SUMF1: variants seen among roughly 807,000 people sequenced by gnomAD.
SUMF1 encodes the protein sulfatase modifying factor 1.
Under a neutral mutation model 47.6 loss-of-function variants are expected in SUMF1, and 48 were observed. The ratio of observed to expected loss-of-function variants is 1.01; its 90% CI spans 0.80 to 1.28. The LOEUF (loss-of-function observed/expected upper bound fraction) is 1.28, where lower values mean the gene tolerates loss of function less well. SUMF1 is among the 50% of genes most tolerant of loss of function. The pLI, the probability that SUMF1 is intolerant of heterozygous loss-of-function variation, is 0.00. For missense variants in SUMF1, 571 were observed against 485.4 expected (o/e 1.18, Z -1.66); for synonymous variants, 230 against 192.1 (o/e 1.20, Z -1.63).
intron 8 of SUMF1, among the ~76,000 whole-genome samples, chr3:4,147,865 G>A (rs1018372637): frequency 7.2e-5 from 11 of 151,984 alleles, no homozygotes; most frequent in African/African-American, 2.2e-4. Flanking sequence ...TCTTAAGTTA[G>A]TCAGCTAGCC....
intron 8 of SUMF1, among the ~76,000 whole-genome samples, chr3:4,137,774 C>T (rs889447662): frequency 3.9e-5 from 6 of 152,112 alleles, no homozygotes; most frequent in Non-Finnish European, 8.8e-5. Flanking sequence ...ATTCCTACCA[C>T]TTTTATTTAC....
At chr3:4,365,407 G>C (rs1419634316) in intron 8 of SUMF1, among the ~76,000 whole-genome samples, 1 of 123,562 alleles carries the variant, frequency 8.1e-6, no homozygotes, top group Non-Finnish European at 1.9e-5. Flanking sequence ...CTTCTGTATT[G>C]GGTGCATATA....
intron 8 of SUMF1, among the ~76,000 whole-genome samples, chr3:4,288,887 G>C (rs927421835): frequency 6.6e-6 from 1 of 151,892 alleles, no homozygotes; most frequent in East Asian, 1.9e-4. Flanking sequence ...AGATGGTTTC[G>C]GAACTTCACA....
intron 8 of SUMF1, among the ~76,000 whole-genome samples, chr3:4,179,202 A>T (rs1266746843): frequency 6.6e-6 from 1 of 152,162 alleles, no homozygotes; most frequent in African/African-American, 2.4e-5. Context: ...GTTCATATGG[A>T]TCCAAAAAAG....
At chr3:4,070,731 G>C (rs542738658) in intron 8 of SUMF1, among the ~76,000 whole-genome samples, 1 of 151,988 alleles carries the variant, frequency 6.6e-6, no homozygotes, top group Non-Finnish European at 1.5e-5. Context: ...CACCTCCTGG[G>C]TTCAGGCCAT....
intron 7 of SUMF1, among the ~76,000 whole-genome samples, chr3:4,387,736 C>T (rs1166068759): frequency 6.6e-6 from 1 of 152,000 alleles, no homozygotes; most frequent in African/African-American, 2.4e-5. Context: ...CCTCTTAGCA[C>T]TGTTTTCACT....
chr3:4,431,892 T>TC (rs1338442578), intron 3 of SUMF1, among the ~76,000 whole-genome samples: 3 of 152,130 alleles, frequency 2.0e-5, no homozygotes, highest in Non-Finnish European at 4.4e-5. Flanking sequence ...AATTATGAAG[T>TC]CAGTCTATGA....
At chr3:4,431,050 A>T (rs1360222168) in intron 3 of SUMF1, among the ~76,000 whole-genome samples, 2 of 152,232 alleles carry the variant, frequency 1.3e-5, no homozygotes, top group African/African-American at 2.4e-5. Flanking sequence ...TAGTGTCTCT[A>T]GGATGAACAG....
intron 9 of SUMF1, among the ~76,000 whole-genome samples, chr3:4,035,529 C>A (rs191768144): frequency 6.6e-6 from 1 of 152,308 alleles, no homozygotes; most frequent in East Asian, 1.9e-4. Context: ...AATTTAATTA[C>A]ACCTGAATAA....
intron 8 of SUMF1, among the ~76,000 whole-genome samples, chr3:4,215,847 C>A (rs1695911189): frequency 6.6e-6 from 1 of 152,080 alleles, no homozygotes; most frequent in South Asian, 2.1e-4. Context: ...TGTGAAGGAC[C>A]TCTTCCAGGA....
At chr3:4,350,892 C>T (rs931304158) in intron 8 of SUMF1, among the ~76,000 whole-genome samples, 2 of 152,024 alleles carry the variant, frequency 1.3e-5, no homozygotes, top group African/African-American at 4.8e-5. Context: ...ATCCACACTA[C>T]CCCTAAATAA....
chr3:4,418,745 C>T (rs1701799837), intron 4 of SUMF1, among the ~76,000 whole-genome samples: 2 of 152,204 alleles, frequency 1.3e-5, no homozygotes, highest in Non-Finnish European at 2.9e-5. Context: ...GAGAACCCAA[C>T]CTGTGACCCT....
At chr3:4,325,575 ATATG>A (rs958814832) in intron 8 of SUMF1, among the ~76,000 whole-genome samples, 25 of 149,722 alleles carry the variant, frequency 1.7e-4, no homozygotes, top group African/African-American at 4.5e-4. Context: ...ATATATATAT[ATATG>A]TATGTATATA....
In SUMF1 at chr3:4,053,792, C is replaced by T. The variant is rs535915049; in HGVS notation, c.1191+14777G>A. ...GACACATAATAAAACATTGAACAAC[C>T]GTCACTACCTCGAGGTGATCAGTGT... is the stretch of plus-strand genomic sequence containing the variant. On this transcript the variant is annotated intron_variant and NMD_transcript_variant, in intron 9 of 12. Transcript: ENST00000448413. Among the ~76,000 whole-genome samples, 15 of 152,210 alleles carry T rather than the reference C, an allele frequency of 9.9e-5. No homozygotes were observed. The South Asian group carries it at 2.7e-3, about 27-fold the overall frequency.
chr3:4,151,358 A>AAT (rs1243755949), intron 8 of SUMF1, among the ~76,000 whole-genome samples: 59 of 146,070 alleles, frequency 4.0e-4, no homozygotes, highest in South Asian at 1.5e-3. Context: ...ATACATACAC[A>AAT]ATATATATAT....
intron 9 of SUMF1, among the ~76,000 whole-genome samples, chr3:4,045,886 G>C (rs1255634228): frequency 6.6e-6 from 1 of 152,146 alleles, no homozygotes; most frequent in African/African-American, 2.4e-5. Context: ...ACATGACTGA[G>C]ATAAAGAATG....
Position 4,084,318 on chromosome 3 carries a change from A to C in SUMF1, c.1015-15573T>G, listed in dbSNP as rs76728883. Among the ~76,000 whole-genome samples, 11 of 152,244 alleles carry C rather than the reference A, an allele frequency of 7.2e-5. No individual in the cohort carries two copies. In the East Asian group the frequency reaches 2.1e-3, roughly 29 times the overall value. ...TTGACTATACAGGAGGCTACTCAGG[A>C]GTAGATGTTTTGAGAAATGTTGTAA... On this transcript the variant is annotated intron_variant and NMD_transcript_variant, in intron 8 of 12. Transcript: ENST00000448413.
chr3:4,247,950 G>A (rs1249031359), intron 8 of SUMF1, among the ~76,000 whole-genome samples: 1 of 152,054 alleles, frequency 6.6e-6, no homozygotes, highest in East Asian at 1.9e-4. Flanking sequence ...ATACAAAATG[G>A]GAATTGTTTT....
At chr3:4,319,979 G>A (rs1384683328) in intron 8 of SUMF1, among the ~76,000 whole-genome samples, 1 of 152,142 alleles carries the variant, frequency 6.6e-6, no homozygotes, top group East Asian at 1.9e-4. Context: ...AAATGTCAGT[G>A]GTTGCCAGAG....
Sources: gnomAD v4.1 joint callset for allele counts (sites outside exome capture counted in the v4.1 genomes callset) on GRCh38, gnomAD v4.1.1 for gene constraint, MANE v1.5 for transcripts, NCBI Gene and HGNC (gene_info 2026-07-23, HGNC 2026-07-21) for gene names.